CKMT2: variants seen among roughly 807,000 people sequenced by gnomAD.
CKMT2 encodes the protein creatine kinase S-type, mitochondrial.
A neutral mutation model predicts 48.9 loss-of-function variants in CKMT2; 43 were observed. The ratio of observed to expected loss-of-function variants is 0.88; its 90% CI spans 0.69 to 1.13. CKMT2 has a LOEUF of 1.13. Among genes scored for constraint, CKMT2 ranks in the 50% most tolerant of loss-of-function variants. The pLI is 0.00. For missense variants in CKMT2, 472 were observed against 555.4 expected, an observed-to-expected ratio of 0.85 and a Z score of 1.51; for synonymous variants, 206 against 213.0, an observed-to-expected ratio of 0.97 and a Z score of 0.29.
intron 1 of CKMT2, chr5:81,245,374 A>G (rs2112792287): frequency 6.6e-6 from 1 of 152,320 alleles, no homozygotes; most frequent in Non-Finnish European, 1.5e-5. Context: ...ACACTGAACC[A>G]GTCATTTAAC....
intron 8 of CKMT2, among the ~76,000 whole-genome samples, chr5:81,260,272 G>T (rs1261015598): frequency 6.6e-6 from 1 of 152,170 alleles, no homozygotes; most frequent in African/African-American, 2.4e-5. Context: ...AAGCAGGAAA[G>T]ATCTAAAATC....
chr5:81,249,579 G>T (rs1481656461), intron 1 of CKMT2, among the ~76,000 whole-genome samples: 4 of 152,096 alleles, frequency 2.6e-5, no homozygotes, highest in African/African-American at 9.7e-5. Flanking sequence ...CTTTTTCATC[G>T]TTTGTTGGTA....
chr5:81,255,270 A>G (rs961872462), intron 5 of CKMT2, 56 bp downstream of exon 5: 2 of 1,498,432 alleles, frequency 1.3e-6, no homozygotes, highest in African/African-American at 2.8e-5. Flanking sequence ...TCTGACCCGC[A>G]CAGGAAGGCC....
intron 1 of CKMT2, among the ~76,000 whole-genome samples, chr5:81,243,470 A>G (rs1320838468): frequency 5.3e-5 from 8 of 152,188 alleles, no homozygotes; most frequent in African/African-American, 1.9e-4. Flanking sequence ...CAAAATAGAA[A>G]CAGCAAACCA....
In CKMT2 at chr5:81,258,986, G is replaced by C. The variant is rs574557339; in HGVS notation, c.880-134G>C. 6.4e-4 allele frequency: 503 copies of C among 791,542 alleles called. 7 individuals are homozygous for C. In the South Asian group the frequency reaches 0.01, roughly 16 times the overall value. The allele number at this position is 791,542 out of a possible 1,614,324, so 49.0% of individuals were successfully genotyped here. A position where few individuals can be genotyped will look rare whatever the true frequency, so the allele number is the denominator to read the frequency against. ...AGGAGAGGTATTATTTTCTCTTAAAGGAGTACTATAAATTTACCTTAATTT... is the reference window on the plus strand; with the variant it reads ...AGGAGAGGTATTATTTTCTCTTAAACGAGTACTATAAATTTACCTTAATTT... On this transcript the variant is annotated intron_variant, in intron 7 of 9. Transcript: ENST00000254035.
At chr5:81,238,443 C>T (rs879828911) in intron 1 of CKMT2, 1 of 152,224 alleles carries the variant, frequency 6.6e-6, no homozygotes, top group Admixed American at 6.5e-5. Flanking sequence ...AATGCTTAAT[C>T]TCAATTCCTG....
intron 1 of CKMT2, chr5:81,239,283 C>T (rs1756354353): frequency 6.6e-6 from 1 of 152,294 alleles, no homozygotes; most frequent in Non-Finnish European, 1.5e-5. Flanking sequence ...GAATTATCTT[C>T]CGTAGAGTCC....
rs112184173 is a variant in CKMT2 at position 81,252,824 on chromosome 5, A to C, written c.282A>C (p.Gly94=). The C allele has an allele frequency of 9.6e-5, 155 of 1,614,228 alleles. 1 individual carries two copies. Among genetic ancestry groups the C allele is most frequent in the South Asian group, 7.4e-4 (67 of 91,088 alleles). ...CGCTGGACCAGTGCATCCAGACTGG[A>C]GTGGACAACCCTGGCCACCCCTTCA... The part of the protein sequence containing the change: ...GYTLDQCIQT[G]VDNPGHPFIK... The change falls in exon 3 of 10, where the codon GGA becomes GGC. Residue 94 remains glycine (G), a synonymous_variant. Transcript: ENST00000254035.
chr5:81,264,743 T>C (rs1336869697), intron 9 of CKMT2, among the ~76,000 whole-genome samples: 3 of 152,222 alleles, frequency 2.0e-5, no homozygotes, highest in African/African-American at 7.2e-5. Context: ...GCAGTCACTA[T>C]AAAAGTGAGG....
At chr5:81,235,129 G>A (rs1314822853) in intron 1 of CKMT2, among the ~76,000 whole-genome samples, 1 of 152,194 alleles carries the variant, frequency 6.6e-6, no homozygotes, top group Non-Finnish European at 1.5e-5. Context: ...ACAAAGTCTG[G>A]TAACGGTCCC....
intron 1 of CKMT2, chr5:81,245,189 G>C (rs1032522524): frequency 6.6e-6 from 1 of 152,190 alleles, no homozygotes; most frequent in African/African-American, 2.4e-5. Context: ...TTGACAGCTG[G>C]GGCAGGGTAG....
At chr5:81,256,182 A>G (rs1325635403) in intron 5 of CKMT2, among the ~76,000 whole-genome samples, 4 of 152,290 alleles carry the variant, frequency 2.6e-5, no homozygotes, top group Admixed American at 2.0e-4. Flanking sequence ...GCAAAAAAAA[A>G]AGTCTTGACT....
At position 81,251,266 on chromosome 5, in the gene CKMT2, C is replaced by T. The variant is rs931004632; in HGVS notation, c.134C>T (p.Pro45Leu). ...GTGTGTGCCGAGGTCCGGGAGCAGC[C>T]TAGGCTATTTCCTCCAAGGTAAGGG... ...QKVCAEVREQ[P>L]RLFPPSADYP... The change falls in exon 2 of 10, where the codon CCT becomes CTT. Residue 45 changes from proline (P) to leucine (L), a missense_variant. Transcript: ENST00000254035. 9 of 1,613,956 alleles carry T rather than the reference C, an allele frequency of 5.6e-6. No homozygotes were observed. The African/African-American group carries it at 1.2e-4, about 22-fold the overall frequency.
chr5:81,252,667 C>T (rs1035420386), intron 2 of CKMT2, 28 bp from the exon 3 acceptor site: 1 of 1,611,716 alleles, frequency 6.2e-7, no homozygotes, highest in Non-Finnish European at 8.5e-7. Flanking sequence ...GGGCTGCTGG[C>T]TGACAGCCTG....
chr5:81,258,606 G>C (rs1757098196), intron 7 of CKMT2, among the ~76,000 whole-genome samples: 2 of 152,188 alleles, frequency 1.3e-5, no homozygotes, highest in East Asian at 1.9e-4. Flanking sequence ...TCTGTGGCCT[G>C]TTAGGAACTG....
At position 81,263,680 on chromosome 5, in the gene CKMT2, A is replaced by T. The variant is rs993795906; in HGVS notation, c.1140+64A>T. 2.7e-6 allele frequency: 4 copies of T among 1,498,612 alleles called. No homozygotes were observed. In the Admixed American group the frequency reaches 5.6e-5, roughly 21 times the overall value. The allele number at this position is 1,498,612 out of a possible 1,614,324, so 92.8% of individuals were successfully genotyped here. A position where few individuals can be genotyped will look rare whatever the true frequency, so the allele number is the denominator to read the frequency against. ...ATCAGCCTAAGAGAGAATAGAGAAA[A>T]GCAAACAGCCTAGCCGTTTTCACAA... On this transcript the variant is annotated intron_variant, in intron 9 of 9. Transcript: ENST00000254035.
At chr5:81,261,200 A>G (rs1231589812) in intron 8 of CKMT2, among the ~76,000 whole-genome samples, 1 of 152,208 alleles carries the variant, frequency 6.6e-6, no homozygotes, top group African/African-American at 2.4e-5. Flanking sequence ...TAAACTAGGT[A>G]TTGATGGAAC....
intron 3 of CKMT2, 77 bp from the exon 4 acceptor site, chr5:81,254,319 A>G: frequency 7.9e-7 from 1 of 1,267,026 alleles, no homozygotes; most frequent in Non-Finnish European, 1.2e-6. Flanking sequence ...TTAAGATACA[A>G]GGGGCAAGTG....
intron 1 of CKMT2, chr5:81,237,768 T>C (rs569289741): frequency 1.3e-5 from 2 of 152,296 alleles, no homozygotes; most frequent in African/African-American, 2.4e-5. Flanking sequence ...TATATATACA[T>C]CATTGTTACA....
Sources: allele counts gnomAD v4.1 joint callset (sites outside exome capture counted in the v4.1 genomes callset), GRCh38; gene constraint gnomAD v4.1.1; transcripts MANE v1.5; gene names NCBI Gene and HGNC (gene_info 2026-07-23, HGNC 2026-07-21).